The following DPYSL3 variants were observed in gnomAD, a reference collection of about 807,000 sequenced individuals.
DPYSL3 encodes dihydropyrimidinase like 3, also known as dihydropyrimidinase-related protein 3.
DPYSL3 carries 16 observed loss-of-function variants against 66.1 expected under a neutral mutation model. That is an observed-to-expected ratio of 0.24 (90% CI 0.16 to 0.37). The LOEUF (loss-of-function observed/expected upper bound fraction) is 0.37, where lower values mean the gene tolerates loss of function less well. Ranked by LOEUF, DPYSL3 falls within the 10% of genes least tolerant of loss-of-function variation. The pLI, the probability that DPYSL3 is intolerant of heterozygous loss-of-function variation, is 1.00. For missense variants in DPYSL3, 738 were observed against 916.2 expected (o/e 0.81, Z 2.51); for synonymous variants, 338 against 345.1 (o/e 0.98, Z 0.23).
rs554826706 is a variant in DPYSL3 at position 147,444,340 on chromosome 5, T to C, written c.382-19377A>G. On this transcript the variant is annotated intron_variant, in intron 1 of 13. Transcript: ENST00000343218. ...AATCTATCTACCTAATTAAGTTGTT[T>C]TGATAATTAAGTGAGATAATGAATA... is the stretch of plus-strand genomic sequence containing the variant. Among the ~76,000 whole-genome samples the C allele has an allele frequency of 2.0e-5, 3 of 152,326 alleles. No homozygotes were observed. The South Asian group carries it at 6.2e-4, about 32-fold the overall frequency.
intron 1 of DPYSL3, among the ~76,000 whole-genome samples, chr5:147,461,886 T>C (rs1159782115): frequency 2.0e-5 from 3 of 152,030 alleles, no homozygotes; most frequent in Admixed American, 6.5e-5. Flanking sequence ...GTCTCTGGGG[T>C]AACAGCCATC....
chr5:147,464,289 C>G (rs1000417333), intron 1 of DPYSL3, among the ~76,000 whole-genome samples: 1 of 152,190 alleles, frequency 6.6e-6, no homozygotes. Flanking sequence ...GGGGAAGAAG[C>G]AGGAGTGATC....
chr5:147,467,789 T>C (rs1753032398), intron 1 of DPYSL3, among the ~76,000 whole-genome samples: 3 of 152,234 alleles, frequency 2.0e-5, no homozygotes, highest in African/African-American at 7.2e-5. Context: ...GACTGCGTAA[T>C]GTACAAACAA....
At chr5:147,434,541 A>AACG (rs2126355441) in intron 1 of DPYSL3, among the ~76,000 whole-genome samples, 1 of 152,352 alleles carries the variant, frequency 6.6e-6, no homozygotes, top group African/African-American at 2.4e-5. Context: ...TCTAAGGGTA[A>AACG]ACGAGTTTAA....
At chr5:147,467,548 A>C (rs1753028869) in intron 1 of DPYSL3, among the ~76,000 whole-genome samples, 1 of 152,226 alleles carries the variant, frequency 6.6e-6, no homozygotes. Context: ...AATAGAGTAC[A>C]TATACAGAAC....
chr5:147,407,188 G>A (rs1028412118), intron 7 of DPYSL3, among the ~76,000 whole-genome samples: 2 of 152,012 alleles, frequency 1.3e-5, no homozygotes, highest in Non-Finnish European at 2.9e-5. Flanking sequence ...CCTCTGTCCT[G>A]GTCCCTTTGA....
chr5:147,418,965 TC>T (rs767863417), intron 2 of DPYSL3, among the ~76,000 whole-genome samples: 1 of 152,202 alleles, frequency 6.6e-6, no homozygotes, highest in Non-Finnish European at 1.5e-5. Flanking sequence ...TTCATTTTGT[TC>T]TTTAAGTTAA....
intron 1 of DPYSL3, among the ~76,000 whole-genome samples, chr5:147,432,589 C>G (rs190494922): frequency 4.6e-5 from 7 of 152,052 alleles, no homozygotes; most frequent in African/African-American, 1.4e-4. Flanking sequence ...ATAGATAACA[C>G]GCCAGAAGCA....
At position 147,510,026 on chromosome 5, in the gene DPYSL3, C is replaced by G; in HGVS notation, c.-168G>C. 1 of 1,172,632 alleles carries G rather than the reference C, an allele frequency of 8.5e-7. No homozygotes were observed. The highest frequency in any genetic ancestry group is 1.7e-5 in the South Asian group (1 of 58,788). The allele number at this position is 1,172,632 out of a possible 1,614,324, so 72.6% of individuals were successfully genotyped here. On this transcript the variant is annotated 5_prime_UTR_variant, in exon 1 of 14. Coordinates refer to ENST00000343218, the MANE Select transcript of DPYSL3 (RefSeq NM_001197294.2). ...TTCCTGCTTGTCCCTAGCGAGCCAG[C>G]GAGCCACACAGCCAGCTAGCGCGCG...
At chr5:147,465,242 G>A (rs1752993234) in intron 1 of DPYSL3, among the ~76,000 whole-genome samples, 1 of 152,024 alleles carries the variant, frequency 6.6e-6, no homozygotes, top group Non-Finnish European at 1.5e-5. Context: ...CAACAATAAC[G>A]AGGAAGTGAA....
In DPYSL3 at chr5:147,510,043, T is replaced by A; in HGVS notation, c.-185A>T. On this transcript the variant is annotated 5_prime_UTR_variant, in exon 1 of 14. Coordinates refer to ENST00000343218, the MANE Select transcript of DPYSL3 (RefSeq NM_001197294.2). ...CGAGCCAGCGAGCCACACAGCCAGC[T>A]AGCGCGCGGAGCAGGGGCCCAGAGT... is the stretch of plus-strand genomic sequence containing the variant. 1 of 1,042,108 alleles carries A rather than the reference T, an allele frequency of 9.6e-7. No individual in the cohort carries two copies. Among genetic ancestry groups the A allele is most frequent in the Non-Finnish European group, 1.3e-6 (1 of 753,512 alleles). The allele number at this position is 1,042,108 out of a possible 1,614,324, so 64.6% of individuals were successfully genotyped here. A position where few individuals can be genotyped will look rare whatever the true frequency, so the allele number is the denominator to read the frequency against.
In DPYSL3 at chr5:147,408,782, C is replaced by A. The variant is rs1456642358; in HGVS notation, c.978G>T (p.Met326Ile). Residue 326 changes from methionine (M) to isoleucine (I), a missense_variant, in exon 7 of 14, where the codon ATG becomes ATT. Physicochemically the swap from Met to Ile is conservative, Grantham distance 10 (BLOSUM62 1). Coordinates refer to ENST00000343218, the MANE Select transcript of DPYSL3 (RefSeq NM_001197294.2). ...GDIIAQEQTR[M>I]LEMGITGPEG... ...CTGGGCCAGTTATCCCCATTTCCAA[C>A]ATGCGGGTTTGCTCCTGAAATGAAA... The A allele has an allele frequency of 1.2e-6, 2 of 1,614,074 alleles. No homozygotes were observed. The highest frequency in any genetic ancestry group is 1.3e-5 in the African/African-American group (1 of 74,926).
At chr5:147,394,366 T>C (rs1478754117) in intron 13 of DPYSL3, among the ~76,000 whole-genome samples, 2 of 152,148 alleles carry the variant, frequency 1.3e-5, no homozygotes, top group African/African-American at 4.8e-5. Flanking sequence ...ACCCAGAGCA[T>C]GATAATAATA....
At chr5:147,482,664 T>A (rs948175816) in intron 1 of DPYSL3, among the ~76,000 whole-genome samples, 1 of 152,224 alleles carries the variant, frequency 6.6e-6, no homozygotes, top group African/African-American at 2.4e-5. Context: ...AAAGTCTCTA[T>A]CAAAGCAGTT....
intron 1 of DPYSL3, among the ~76,000 whole-genome samples, chr5:147,499,006 A>G (rs1753563775): frequency 6.6e-6 from 1 of 152,026 alleles, no homozygotes; most frequent in Non-Finnish European, 1.5e-5. Flanking sequence ...CGTGCCTATG[A>G]CCTAAATGGT....
intron 1 of DPYSL3, chr5:147,454,358 C>T (rs1469358310): frequency 6.6e-6 from 1 of 152,272 alleles, no homozygotes; most frequent in Non-Finnish European, 1.5e-5. Context: ...GAGACTGGTC[C>T]GACTCTGCAA....
chr5:147,448,813 T>C (rs1363070200), intron 1 of DPYSL3, among the ~76,000 whole-genome samples: 1 of 152,222 alleles, frequency 6.6e-6, no homozygotes, highest in South Asian at 2.1e-4. Context: ...TCCTAGTATT[T>C]GAGGAAAAGG....
chr5:147,397,768 C>G lies in DPYSL3; in HGVS notation c.1701G>C (p.Met567Ile). ...TCACGTGCAGGTTGCCATCTTCCAG[C>G]ATGATCTTGCCCTGGCAGATGACAA... ...PLVVICQGKI[M>I]LEDGNLHVTQ... Residue 567 changes from methionine (M) to isoleucine (I), a missense_variant, in exon 12 of 14, where the codon ATG (methionine) becomes ATC (isoleucine). Coordinates refer to ENST00000343218, the MANE Select transcript of DPYSL3 (RefSeq NM_001197294.2). The G allele has an allele frequency of 6.2e-7, 1 of 1,614,178 alleles. No homozygotes were observed.
At chr5:147,397,305 T>C (rs1758019095) in intron 12 of DPYSL3, among the ~76,000 whole-genome samples, 1 of 152,052 alleles carries the variant, frequency 6.6e-6, no homozygotes, top group Non-Finnish European at 1.5e-5. Context: ...CTGGACAGAA[T>C]GACACAGGGA....
Sources: gnomAD v4.1 joint callset for allele counts (sites outside exome capture counted in the v4.1 genomes callset) on GRCh38, gnomAD v4.1.1 for gene constraint, MANE v1.5 for transcripts, NCBI Gene and HGNC (gene_info 2026-07-23, HGNC 2026-07-21) for gene names.